The following ZDHHC2 variants were observed in gnomAD, a reference collection of about 807,000 sequenced individuals.
ZDHHC2 encodes the protein zDHHC palmitoyltransferase 2, also known as palmitoyltransferase ZDHHC2.
A neutral mutation model predicts 55.6 loss-of-function variants in ZDHHC2; 51 were observed. That is an observed-to-expected ratio of 0.92 (90% CI 0.73 to 1.16). ZDHHC2 has a LOEUF of 1.16. Among genes scored for constraint, ZDHHC2 ranks in the 50% most tolerant of loss-of-function variants. The pLI, the probability that ZDHHC2 is intolerant of heterozygous loss-of-function variation, is 0.00. For missense variants in ZDHHC2, 491 were observed against 442.4 expected (o/e 1.11, Z -0.99); for synonymous variants, 199 against 152.9 (o/e 1.30, Z -2.22).
intron 8 of ZDHHC2, among the ~76,000 whole-genome samples, chr8:17,209,181 A>G (rs1807249865): frequency 6.6e-6 from 1 of 152,192 alleles, no homozygotes; most frequent in Non-Finnish European, 1.5e-5. Flanking sequence ...CAAGTCCCAG[A>G]GCCTCTCTGA....
chr8:17,157,232 C>G (rs1430519482), intron 1 of ZDHHC2, among the ~76,000 whole-genome samples: 1 of 152,174 alleles, frequency 6.6e-6, no homozygotes, highest in African/African-American at 2.4e-5. Flanking sequence ...TGAGCTGGGC[C>G]CGGCCCCGAG....
At chr8:17,186,183 T>C (rs1008183429) in intron 2 of ZDHHC2, 148 bp from the exon 3 acceptor site, 8 of 543,024 alleles carry the variant, frequency 1.5e-5, no homozygotes, top group African/African-American at 1.4e-4. Flanking sequence ...CGTTGAGTTG[T>C]GTTTATTCTA....
intron 1 of ZDHHC2, among the ~76,000 whole-genome samples, chr8:17,168,624 G>A (rs867115161): frequency 6.6e-6 from 1 of 152,112 alleles, no homozygotes. Context: ...AAACTGCTTC[G>A]CTGTGCAGTT....
intron 10 of ZDHHC2, among the ~76,000 whole-genome samples, chr8:17,213,379 C>T (rs1482045846): frequency 6.6e-6 from 1 of 151,918 alleles, no homozygotes; most frequent in African/African-American, 2.4e-5. Flanking sequence ...TCAGCCTCCC[C>T]AGTAGCTGGA....
intron 1 of ZDHHC2, among the ~76,000 whole-genome samples, chr8:17,182,334 C>A (rs1029248003): frequency 9.9e-5 from 15 of 152,028 alleles, no homozygotes; most frequent in African/African-American, 3.6e-4. Flanking sequence ...AAGGAAATCC[C>A]AATCATAGTG....
At chr8:17,199,637 T>TCCTTTCTTCTTCTTCCTTTCTTCTTCTC (rs1554466262) in intron 6 of ZDHHC2, among the ~76,000 whole-genome samples, 1 of 98,434 alleles carries the variant, frequency 1.0e-5, no homozygotes, top group African/African-American at 3.1e-5. Context: ...TTCTTCTTCT[T>TCCTTTCTTCTTCTTCCTTTCTTCTTCTC]CTCCTCCTCC....
At chr8:17,162,521 GA>G in intron 1 of ZDHHC2, among the ~76,000 whole-genome samples, 1 of 152,320 alleles carries the variant, frequency 6.6e-6, no homozygotes, top group Non-Finnish European at 1.5e-5. Context: ...TGTCTCTAGA[GA>G]AGGTGTGTTT....
At chr8:17,199,509 T>TCTTCG (rs1554466018) in intron 6 of ZDHHC2, among the ~76,000 whole-genome samples, 24 of 121,194 alleles carry the variant, frequency 2.0e-4, no homozygotes, top group East Asian at 2.0e-3. Context: ...CTTCTTCTTC[T>TCTTCG]TCTTCGTCTT....
At chr8:17,158,451 C>G (rs1804174436) in intron 1 of ZDHHC2, among the ~76,000 whole-genome samples, 1 of 152,194 alleles carries the variant, frequency 6.6e-6, no homozygotes, top group African/African-American at 2.4e-5. Context: ...GGTACAGTGT[C>G]TCCTGTCCAT....
rs568589179 is a variant in ZDHHC2, at chr8:17,217,176, G to C, written c.1068G>C (p.Met356Ile). The C allele has an allele frequency of 6.8e-6, 11 of 1,611,376 alleles. No homozygotes were observed. In the East Asian group the frequency reaches 2.5e-4, roughly 36 times the overall value. ...AACTTATGTGCTTTCATTAAGGTAT[G>C]AGCAATCCTGCATTAACCATGGAAA... ...SINPGKCKAG[M>I]SNPALTMENE... Residue 356 changes from methionine to isoleucine, a missense_variant, in exon 12 of 13, where the codon ATG becomes ATC. Met to Ile is a conservative substitution (Grantham distance 10). Transcript: ENST00000262096.
intron 1 of ZDHHC2, among the ~76,000 whole-genome samples, chr8:17,179,407 T>A (rs1166210380): frequency 1.3e-5 from 2 of 152,126 alleles, no homozygotes; most frequent in Non-Finnish European, 2.9e-5. Context: ...TTTCTTTATT[T>A]CTTCTTCTTT....
intron 3 of ZDHHC2, among the ~76,000 whole-genome samples, chr8:17,187,308 G>T (rs774033884): frequency 1.3e-5 from 2 of 152,086 alleles, no homozygotes; most frequent in Non-Finnish European, 2.9e-5. Flanking sequence ...GCAAAGAATT[G>T]TGTCTCACTC....
Position 17,223,847 on chromosome 8 carries a change from C to T in ZDHHC2, c.*3626C>T, listed in dbSNP as rs1808014562. 1 of 151,748 alleles carries T rather than the reference C, an allele frequency of 6.6e-6. No homozygotes were observed. The highest frequency in any genetic ancestry group is 1.5e-5 in the Non-Finnish European group (1 of 67,726). 9.4% of individuals were successfully genotyped at this position (151,748 alleles called of 1,614,324 possible). ...TATAATGTTGCAAACCATGCATTTT[C>T]CTTTTCTCTTTTCCATAAGATTTTT... On this transcript the variant is annotated 3_prime_UTR_variant, in exon 13 of 13. Transcript: ENST00000262096.
chr8:17,160,490 C>T (rs1235647605), intron 1 of ZDHHC2, among the ~76,000 whole-genome samples: 1 of 152,168 alleles, frequency 6.6e-6, no homozygotes, highest in African/African-American at 2.4e-5. Flanking sequence ...AACTAAATTC[C>T]AGAGTTGCCA....
chr8:17,209,852 A>G (rs1807288664), intron 8 of ZDHHC2, 80 bp from the exon 9 acceptor site: 2 of 1,433,572 alleles, frequency 1.4e-6, no homozygotes, highest in Non-Finnish European at 1.8e-6. Context: ...TTCTTCATTT[A>G]CTTCAATTAT....
chr8:17,166,236 A>T (rs891986874), intron 1 of ZDHHC2, among the ~76,000 whole-genome samples: 1 of 152,202 alleles, frequency 6.6e-6, no homozygotes, highest in African/African-American at 2.4e-5. Flanking sequence ...TGGCGTGGGC[A>T]CTGGAAATGG....
rs181986213 is a variant in ZDHHC2, at chr8:17,165,412, A to C, written c.130+8559A>C. 2.4e-3 allele frequency among the ~76,000 whole-genome samples: 363 copies of C among 152,340 alleles called. 1 individual carries two copies. The highest frequency in any genetic ancestry group is 0.014 in the Middle Eastern group (4 of 294). ...TTAATCAAGGTCTTAATTGTAGCAT[A>C]TTTTAATGAAATGCAACTTACTCCA... On this transcript the variant is annotated intron_variant, in intron 1 of 12. Transcript: ENST00000262096.
intron 1 of ZDHHC2, among the ~76,000 whole-genome samples, chr8:17,180,672 A>G (rs1329597645): frequency 6.6e-6 from 1 of 152,222 alleles, no homozygotes; most frequent in East Asian, 1.9e-4. Flanking sequence ...CCCTAATGCT[A>G]CTGCTGCAGC....
chr8:17,200,926 C>G (rs114926398), intron 6 of ZDHHC2, among the ~76,000 whole-genome samples: 1 of 152,226 alleles, frequency 6.6e-6, no homozygotes, highest in Non-Finnish European at 1.5e-5. Flanking sequence ...CATCCACTGT[C>G]TCCACCACTG....
Sources: gnomAD v4.1 joint callset for allele counts (sites outside exome capture counted in the v4.1 genomes callset) on GRCh38, gnomAD v4.1.1 for gene constraint, MANE v1.5 for transcripts, NCBI Gene and HGNC (gene_info 2026-07-23, HGNC 2026-07-21) for gene names.